RIPK1: variants seen among roughly 807,000 people sequenced by gnomAD.
RIPK1 encodes the protein receptor interacting serine/threonine kinase 1, also known as receptor-interacting serine/threonine-protein kinase 1.
RIPK1 carries 27 observed loss-of-function variants against 62.4 expected under a neutral mutation model. That is an observed-to-expected ratio of 0.43 (90% CI 0.32 to 0.60). The LOEUF (loss-of-function observed/expected upper bound fraction) is 0.60, where lower values mean the gene tolerates loss of function less well. Ranked by LOEUF, RIPK1 falls within the 20% of genes least tolerant of loss-of-function variation. RIPK1 has a pLI of 0.07. For synonymous variants in RIPK1, 287 were observed against 303.2 expected, an observed-to-expected ratio of 0.95 and a Z score of 0.55; for missense variants, 735 against 831.0, an observed-to-expected ratio of 0.88 and a Z score of 1.42.
rs528997686 is a variant in RIPK1, at chr6:3,084,479, C to G, written c.689-780C>G. Reference sequence around the variant, plus strand: ...ATATCCTGCTTCTCTTCCTGGAGTCCTCCTCCTTAAGTCTCCCTTTCCCAT... The same window carrying G: ...ATATCCTGCTTCTCTTCCTGGAGTCGTCCTCCTTAAGTCTCCCTTTCCCAT... On this transcript the variant is annotated intron_variant, in intron 5 of 10. Coordinates refer to ENST00000259808, the MANE Select transcript of RIPK1 (RefSeq NM_001354930.2). Among the ~76,000 whole-genome samples, 119 of 152,192 alleles carry G rather than the reference C, an allele frequency of 7.8e-4. No homozygotes were observed. In the East Asian group the frequency reaches 0.021, roughly 27 times the overall value.
Position 3,076,878 on chromosome 6 carries a change from G to C in RIPK1, c.55G>C (p.Glu19Gln). ...TAAGATGAAATCCAGTGACTTCCTG[G>C]AGAGTGCAGAACTGGACAGCGGAGG... Reference protein sequence around the residue: ...VIKMKSSDFLESAELDSGGFG... With the variant: ...VIKMKSSDFLQSAELDSGGFG... The change falls in exon 2 of 11, where the codon GAG becomes CAG. Residue 19 changes from glutamate to glutamine, a missense_variant. Glu to Gln is a conservative substitution (Grantham distance 29). Around this residue, in one of 2 missense-constraint regions of RIPK1, gnomAD observed 671 missense variants for 726.2 expected, o/e 0.92. Coordinates refer to ENST00000259808, the MANE Select transcript of RIPK1 (RefSeq NM_001354930.2). 1 of 1,611,718 alleles carries C rather than the reference G, an allele frequency of 6.2e-7. No homozygotes were observed. Among genetic ancestry groups the C allele is most frequent in the African/African-American group, 1.3e-5 (1 of 74,724 alleles).
intron 7 of RIPK1, among the ~76,000 whole-genome samples, chr6:3,098,928 C>T (rs1353760206): frequency 1.3e-5 from 2 of 152,210 alleles, no homozygotes; most frequent in Admixed American, 6.5e-5. Context: ...GCTTTATCCC[C>T]TCGCCTTTCT....
In RIPK1 at chr6:3,069,641, A is replaced by G. The variant is rs192275627; in HGVS notation, c.-61+980A>G. 2.6e-5 allele frequency among the ~76,000 whole-genome samples: 4 copies of G among 152,350 alleles called. No individual in the cohort carries two copies. In the East Asian group the frequency reaches 7.7e-4, roughly 29 times the overall value. On this transcript the variant is annotated intron_variant, in intron 1 of 10. Coordinates refer to ENST00000259808, the MANE Select transcript of RIPK1 (RefSeq NM_001354930.2). ...GCAGGAAGTGAACTTTGAAATGTGCAATGTCTTAGTACTCATCTGCATTCT... is the reference window on the plus strand; with the variant it reads ...GCAGGAAGTGAACTTTGAAATGTGCGATGTCTTAGTACTCATCTGCATTCT...
At chr6:3,098,187 A>G (rs1271795574) in intron 7 of RIPK1, among the ~76,000 whole-genome samples, 1 of 152,228 alleles carries the variant, frequency 6.6e-6, no homozygotes, top group Non-Finnish European at 1.5e-5. Context: ...CAATAAATAA[A>G]TAAATAAATA....
intron 4 of RIPK1, among the ~76,000 whole-genome samples, chr6:3,081,381 CTG>C (rs1021250077): frequency 3.9e-5 from 6 of 152,116 alleles, no homozygotes; most frequent in Admixed American, 2.0e-4. Context: ...CTTTCCTAGA[CTG>C]TGTTTTTTCC....
rs1761326515 is a variant in RIPK1 at position 3,114,746 on chromosome 6, G to A, written c.*1407G>A. 6.6e-6 allele frequency: 1 copy of A among 152,246 alleles called. No individual in the cohort carries two copies. Among genetic ancestry groups the A allele is most frequent in the African/African-American group, 2.4e-5 (1 of 41,426 alleles). 9.4% of individuals were successfully genotyped at this position (152,246 alleles called of 1,614,324 possible). A position where few individuals can be genotyped will look rare whatever the true frequency, so the allele number is the denominator to read the frequency against. On this transcript the variant is annotated 3_prime_UTR_variant, in exon 11 of 11. Coordinates refer to ENST00000259808, the MANE Select transcript of RIPK1 (RefSeq NM_001354930.2). The surrounding 1 kb of genome is among the most constrained non-coding windows in gnomAD (Gnocchi z 5.0). ...CTCGGCCTGGGTAATTCTGTTGTGG[G>A]GACTGTCCTGTTCCTTGTAGGATGT... is the stretch of plus-strand genomic sequence containing the variant.
chr6:3,077,112 A>C (rs1759109250), intron 2 of RIPK1, 125 bp downstream of exon 2: 2 of 839,934 alleles, frequency 2.4e-6, no homozygotes. Flanking sequence ...CCAAGATGTC[A>C]GGGTGACGAT....
Position 3,072,179 on chromosome 6 carries a change from A to G in RIPK1, c.-61+3518A>G, listed in dbSNP as rs915095829. Among the ~76,000 whole-genome samples, 5 of 152,342 alleles carry G rather than the reference A, an allele frequency of 3.3e-5. No individual in the cohort carries two copies. The highest frequency in any genetic ancestry group is 9.6e-5 in the African/African-American group (4 of 41,574). On this transcript the variant is annotated intron_variant, in intron 1 of 10. Coordinates refer to ENST00000259808, the MANE Select transcript of RIPK1 (RefSeq NM_001354930.2). This position sits in a 1 kb window ranked among gnomAD's most constrained non-coding sequence, Gnocchi z 5.6. Reference sequence around the variant, plus strand: ...ATCAGCATCTCTGATTTGATCCCTCAGAGTAAAGAAATACTGAGTCAAGGA... The same window carrying G: ...ATCAGCATCTCTGATTTGATCCCTCGGAGTAAAGAAATACTGAGTCAAGGA...
At chr6:3,074,025 A>G (rs932805754) in intron 1 of RIPK1, among the ~76,000 whole-genome samples, 1 of 152,222 alleles carries the variant, frequency 6.6e-6, no homozygotes, top group Non-Finnish European at 1.5e-5. Flanking sequence ...CATGCATACC[A>G]TAGCTAGAGT....
chr6:3,065,139 C>G (rs1402090110), upstream of RIPK1, among the ~76,000 whole-genome samples: 1 of 151,716 alleles, frequency 6.6e-6, no homozygotes, highest in African/African-American at 2.4e-5. Flanking sequence ...CGCCTGTAGT[C>G]CCAGCTACTC....
At chr6:3,090,919 G>A (rs1480637871) in intron 7 of RIPK1, among the ~76,000 whole-genome samples, 31 of 21,428 alleles carry the variant, frequency 1.4e-3, no homozygotes, top group African/African-American at 8.3e-3. Flanking sequence ...ACCGCAGCGC[G>A]CCTACCTGCC....
upstream of RIPK1, among the ~76,000 whole-genome samples, chr6:3,065,264 CAAAAAA>C (rs57722248): frequency 1.7e-4 from 7 of 40,620 alleles, no homozygotes; most frequent in South Asian, 1.3e-3. Flanking sequence ...GACTCCGTCT[CAAAAAA>C]AAAAAAAAAA....
chr6:3,081,190 G>A (rs898698034), intron 4 of RIPK1, 74 bp downstream of exon 4: 60 of 1,519,228 alleles, frequency 3.9e-5, no homozygotes, highest in Admixed American at 1.8e-4. Context: ...ATCCATTCTC[G>A]TACATTGGAG....
rs10526418 is a variant in RIPK1, at chr6:3,076,699, C to CATATATATATAT, written c.-60-49_-60-38dup. 855 of 217,624 alleles carry CATATATATATAT rather than the reference C, an allele frequency of 3.9e-3. 52 individuals carry two copies. Among genetic ancestry groups the CATATATATATAT allele is most frequent in the African/African-American group, 0.029 (705 of 24,080 alleles). The allele number at this position is 217,624 out of a possible 1,614,324, so 13.5% of individuals were successfully genotyped here. On this transcript the variant is annotated intron_variant, in intron 1 of 10. Coordinates refer to ENST00000259808, the MANE Select transcript of RIPK1 (RefSeq NM_001354930.2). ...TGTCTCCAAAGGAGAAAAAAAAAAA[C>CATATATATATAT]ATATATATATATATATATATATATA... is the stretch of plus-strand genomic sequence containing the variant.
rs749361048 is a variant in RIPK1, at chr6:3,105,589, C to A, written c.1114C>A (p.Pro372Thr). ...GGAGCACCCACAAGAAGAGAATGAG[C>A]CCAGCCTGCAGAGTAAACTCCAAGA... ...SLEHPQEENE[P>T]SLQSKLQDEA... Residue 372 changes from proline (P) to threonine (T), a missense_variant, in exon 9 of 11, where the codon CCC (proline) becomes ACC (threonine). Pro to Thr is a conservative substitution (Grantham distance 38, BLOSUM62 -1). This residue lies in a region of RIPK1 where 671 missense variants were observed against 726.2 expected (regional missense o/e 0.92). Coordinates refer to ENST00000259808, the MANE Select transcript of RIPK1 (RefSeq NM_001354930.2). This position sits in a 1 kb window ranked among gnomAD's most constrained non-coding sequence, Gnocchi z 4.5. 6.2e-7 allele frequency: 1 copy of A among 1,613,948 alleles called. No homozygotes were observed. The highest frequency in any genetic ancestry group is 1.1e-5 in the South Asian group (1 of 91,054).
intron 1 of RIPK1, among the ~76,000 whole-genome samples, chr6:3,073,587 T>C (rs957504156): frequency 3.3e-5 from 5 of 152,080 alleles, no homozygotes; most frequent in Middle Eastern, 3.4e-3. Flanking sequence ...GTCCCACCGA[T>C]GTAGTTGTTT....
chr6:3,072,761 A>G lies in RIPK1; in HGVS notation c.-60-4003A>G, dbSNP rs1240551277. Among the ~76,000 whole-genome samples the G allele has an allele frequency of 1.3e-5, 2 of 152,210 alleles. No homozygotes were observed. The highest frequency in any genetic ancestry group is 3.8e-4 in the East Asian group (2 of 5,198). On this transcript the variant is annotated intron_variant, in intron 1 of 10. Coordinates refer to ENST00000259808, the MANE Select transcript of RIPK1 (RefSeq NM_001354930.2). This position sits in a 1 kb window ranked among gnomAD's most constrained non-coding sequence, Gnocchi z 5.6. The stretch of plus-strand genomic sequence containing the variant: ...AATGACAGTTCTCTGACACCTAACC[A>G]GGCAAGAAGTTGGAAGAATATGGCC...
intron 6 of RIPK1, among the ~76,000 whole-genome samples, chr6:3,085,753 C>T (rs559932584): frequency 6.6e-6 from 1 of 152,318 alleles, no homozygotes; most frequent in South Asian, 2.1e-4. Flanking sequence ...CATCGTCTCT[C>T]TCCCTGCCCC....
chr6:3,098,045 A>C (rs1221973209), intron 7 of RIPK1, among the ~76,000 whole-genome samples: 1 of 152,164 alleles, frequency 6.6e-6, no homozygotes, highest in Non-Finnish European at 1.5e-5. Flanking sequence ...ATAATAATTA[A>C]GAAATTAGCT....
Sources: gnomAD v4.1 joint callset for allele counts (sites outside exome capture counted in the v4.1 genomes callset) on GRCh38, gnomAD v4.1.1 for gene constraint, gnomAD v4.1.1 regional missense constraint, Gnocchi (gnomAD v3.1) non-coding constraint, MANE v1.5 for transcripts, NCBI Gene and HGNC (gene_info 2026-07-23, HGNC 2026-07-21) for gene names.